Variants in VAV3 observed in about 807,000 individuals in gnomAD.
The protein encoded by VAV3 is guanine nucleotide exchange factor VAV3.
A neutral mutation model predicts 131.2 loss-of-function variants in VAV3; 94 were observed. That is an observed-to-expected ratio of 0.72 (90% confidence interval 0.61 to 0.85). The LOEUF (loss-of-function observed/expected upper bound fraction) is 0.85, where lower values mean the gene tolerates loss of function less well. Ranked by LOEUF, VAV3 falls within the 40% of genes least tolerant of loss-of-function variation. The pLI is 0.00. For synonymous variants in VAV3, 349 were observed against 342.0 expected, an observed-to-expected ratio of 1.02 and a Z score of -0.22; for missense variants, 939 against 1,002.7, an observed-to-expected ratio of 0.94 and a Z score of 0.86.
At chr1:107,692,702 C>T (rs1001432589) in intron 17 of VAV3, among the ~76,000 whole-genome samples, 2 of 152,160 alleles carry the variant, frequency 1.3e-5, no homozygotes, top group Non-Finnish European at 2.9e-5. Flanking sequence ...ACCACAGCAA[C>T]GTCCTTCCAA....
chr1:107,671,763 T>C (rs1657812349), intron 19 of VAV3, among the ~76,000 whole-genome samples: 1 of 121,086 alleles, frequency 8.3e-6, no homozygotes, highest in African/African-American at 3.6e-5. Flanking sequence ...TAGGCTTAGT[T>C]TGTCATATTT....
At chr1:107,642,571 C>A (rs745506578) in intron 20 of VAV3, 48 bp downstream of exon 20, 22 of 1,590,196 alleles carry the variant, frequency 1.4e-5, no homozygotes, top group Non-Finnish European at 1.8e-5. Context: ...GATTTAAGAA[C>A]CCTCTCTTGG....
At chr1:107,921,549 T>C (rs917915749) in intron 1 of VAV3, among the ~76,000 whole-genome samples, 1 of 152,198 alleles carries the variant, frequency 6.6e-6, no homozygotes, top group African/African-American at 2.4e-5. Context: ...TTCTGGAAAG[T>C]GGTAGGAAAG....
intron 20 of VAV3, among the ~76,000 whole-genome samples, chr1:107,620,817 T>C (rs1025183164): frequency 6.6e-6 from 1 of 152,098 alleles, no homozygotes; most frequent in Non-Finnish European, 1.5e-5. Flanking sequence ...GATGAAAGTG[T>C]ATGGACTGGC....
chr1:107,924,514 G>A (rs1295536769), intron 1 of VAV3, among the ~76,000 whole-genome samples: 2 of 152,090 alleles, frequency 1.3e-5, no homozygotes, highest in South Asian at 2.1e-4. Flanking sequence ...TTACCTCCTG[G>A]TTACCTCTCA....
intron 19 of VAV3, among the ~76,000 whole-genome samples, chr1:107,661,590 A>G (rs1570706715): frequency 6.6e-6 from 1 of 152,306 alleles, no homozygotes; most frequent in South Asian, 2.1e-4. Context: ...TTGTTTATCC[A>G]AAGTATAGTG....
At chr1:107,676,258 G>A (rs1658202981) in intron 19 of VAV3, among the ~76,000 whole-genome samples, 1 of 152,216 alleles carries the variant, frequency 6.6e-6, no homozygotes, top group Non-Finnish European at 1.5e-5. Flanking sequence ...AATCAACAGA[G>A]CACTCTGGCT....
chr1:107,585,988 T>C (rs1650455219), intron 25 of VAV3, among the ~76,000 whole-genome samples: 1 of 152,124 alleles, frequency 6.6e-6, no homozygotes. Context: ...GCTCTACCAT[T>C]GAACTAACTC....
At chr1:107,715,167 A>T (rs1358712712) in intron 15 of VAV3, among the ~76,000 whole-genome samples, 1 of 152,180 alleles carries the variant, frequency 6.6e-6, no homozygotes, top group Admixed American at 6.6e-5. Context: ...TACAAGGCCA[A>T]CATCCAGGAG....
At chr1:107,785,812 A>G (rs1046452019) in intron 2 of VAV3, among the ~76,000 whole-genome samples, 1 of 152,252 alleles carries the variant, frequency 6.6e-6, no homozygotes, top group African/African-American at 2.4e-5. Flanking sequence ...ACACCAGGTT[A>G]TCTGACAATT....
chr1:107,746,876 A>G (rs911542179), intron 15 of VAV3, among the ~76,000 whole-genome samples: 1 of 124,772 alleles, frequency 8.0e-6, no homozygotes, highest in East Asian at 3.1e-4. Context: ...TTATCTTGTC[A>G]AATCTCTTTT....
Position 107,573,066 on chromosome 1 carries a change from G to T in VAV3, c.*265C>A. 2.2e-6 allele frequency: 1 copy of T among 448,054 alleles called. No homozygotes were observed. 27.8% of individuals were successfully genotyped at this position (448,054 alleles called of 1,614,324 possible). ...TGTGTTTGCAGGGCTCTTCTGGGAA[G>T]AACAGCTCTTGGTTTTGCCCTGGTC... On this transcript the variant is annotated 3_prime_UTR_variant, in exon 27 of 27. Transcript: ENST00000370056.
chr1:107,587,669 C>T lies in VAV3; in HGVS notation c.2350+8543G>A, dbSNP rs544632871. Among the ~76,000 whole-genome samples, 10 of 152,304 alleles carry T rather than the reference C, an allele frequency of 6.6e-5. No individual in the cohort carries two copies. The East Asian group carries it at 1.7e-3, about 26-fold the overall frequency. ...GCAGTGGCACCATCTTGGCTCACTA[C>T]AACCTCCACTTCCTGGGTTCAAGCA... On this transcript the variant is annotated intron_variant, in intron 25 of 26. Coordinates refer to ENST00000370056, the MANE Select transcript of VAV3 (RefSeq NM_006113.5).
At chr1:107,601,951 A>C (rs1451610532) in intron 24 of VAV3, among the ~76,000 whole-genome samples, 1 of 152,192 alleles carries the variant, frequency 6.6e-6, no homozygotes, top group Non-Finnish European at 1.5e-5. Flanking sequence ...ATCACTTAAA[A>C]TAGCAAAAAA....
rs1392792743 is a variant in VAV3 at position 107,809,785 on chromosome 1, CT to C, written c.322-30294del. Reference sequence around the variant, plus strand: ...CCAAATTTTCACTCATACTGTAGTTCTTTCTCAAATAATCCAAACATTATGA... The same window carrying C: ...CCAAATTTTCACTCATACTGTAGTTCTTCTCAAATAATCCAAACATTATGA... On this transcript the variant is annotated intron_variant, in intron 2 of 26. Coordinates refer to ENST00000370056, the MANE Select transcript of VAV3 (RefSeq NM_006113.5). Among the ~76,000 whole-genome samples, 5 of 152,242 alleles carry C rather than the reference CT, an allele frequency of 3.3e-5. No individual in the cohort carries two copies. In the East Asian group the frequency reaches 9.7e-4, roughly 29 times the overall value.
chr1:107,677,057 T>G (rs1570736045), intron 19 of VAV3, among the ~76,000 whole-genome samples: 1 of 152,192 alleles, frequency 6.6e-6, no homozygotes, highest in East Asian at 1.9e-4. Flanking sequence ...AAACATAAGC[T>G]TTTATTTTCA....
chr1:107,930,245 G>T (rs1165169274), intron 1 of VAV3, among the ~76,000 whole-genome samples: 2 of 152,072 alleles, frequency 1.3e-5, no homozygotes, highest in African/African-American at 4.8e-5. Flanking sequence ...ACTCTGATGT[G>T]ATTATTACAC....
At chr1:107,930,559 T>G (rs1673380688) in intron 1 of VAV3, among the ~76,000 whole-genome samples, 1 of 152,168 alleles carries the variant, frequency 6.6e-6, no homozygotes, top group Admixed American at 6.5e-5. Flanking sequence ...CTTTCAGGGT[T>G]ACCTAGTCGA....
intron 19 of VAV3, among the ~76,000 whole-genome samples, chr1:107,670,995 T>A (rs1280177345): frequency 6.6e-6 from 1 of 152,220 alleles, no homozygotes; most frequent in Non-Finnish European, 1.5e-5. Flanking sequence ...ATAAAATATT[T>A]AAATCTGGGA....
Sources: gnomAD v4.1 joint callset for allele counts (sites outside exome capture counted in the v4.1 genomes callset) on GRCh38, gnomAD v4.1.1 for gene constraint, MANE v1.5 for transcripts, NCBI Gene and HGNC (gene_info 2026-07-23, HGNC 2026-07-21) for gene names.